C2orf49: variants seen among roughly 807,000 people sequenced by gnomAD.
C2orf49 encodes tRNA-splicing ligase complex subunit ASW.
A neutral mutation model predicts 20.6 loss-of-function variants in C2orf49; 11 were observed. The ratio of observed to expected loss-of-function variants is 0.53; its 90% CI spans 0.34 to 0.88. The LOEUF (loss-of-function observed/expected upper bound fraction) is 0.88. Ranked by LOEUF, C2orf49 falls within the 40% of genes least tolerant of loss-of-function variation. The pLI is 0.02. For missense variants in C2orf49, 289 were observed against 274.2 expected, an observed-to-expected ratio of 1.05 and a Z score of -0.38; for synonymous variants, 134 against 108.5, an observed-to-expected ratio of 1.24 and a Z score of -1.46.
At chr2:105,357,082 G>A in the C2orf49 span, among the ~76,000 whole-genome samples, 1 of 152,030 alleles carries the variant, frequency 6.6e-6, no homozygotes, top group African/African-American at 2.4e-5. Context: ...TGAGTAGCTG[G>A]GACAACAGGC....
At chr2:105,376,031 C>T in the C2orf49 span, 2 of 152,168 alleles carry the variant, frequency 1.3e-5, no homozygotes, top group Admixed American at 6.5e-5. Flanking sequence ...CATCATCGTT[C>T]GGGAACAGGC....
chr2:105,381,873 G>A, the C2orf49 span, among the ~76,000 whole-genome samples: 29 of 152,076 alleles, frequency 1.9e-4, no homozygotes, highest in Non-Finnish European at 3.7e-4. Flanking sequence ...TGGAGTAGGT[G>A]CTCTTCCCAG....
the C2orf49 span, among the ~76,000 whole-genome samples, chr2:105,366,102 G>A: frequency 6.6e-6 from 1 of 151,600 alleles, no homozygotes; most frequent in African/African-American, 2.4e-5. Flanking sequence ...TCAGCTACTT[G>A]GGAGGCTGAG....
intron 1 of C2orf49, among the ~76,000 whole-genome samples, chr2:105,338,997 G>A (rs1272523001): frequency 6.6e-6 from 1 of 152,242 alleles, no homozygotes; most frequent in Non-Finnish European, 1.5e-5. Context: ...TACTTGAAAG[G>A]ACCAGTGAAA....
intron 1 of C2orf49, 108 bp downstream of exon 1, chr2:105,337,794 G>A (rs1237573049): frequency 7.0e-6 from 7 of 1,000,220 alleles, no homozygotes; most frequent in Non-Finnish European, 1.0e-5. Flanking sequence ...CTCCCGCCGG[G>A]TTTGTGTCAC....
chr2:105,343,658 A>G (rs1045629326), intron 3 of C2orf49, among the ~76,000 whole-genome samples: 3 of 152,204 alleles, frequency 2.0e-5, no homozygotes, highest in Admixed American at 2.0e-4. Context: ...AAACCACACC[A>G]GACACCAGAA....
the C2orf49 span, among the ~76,000 whole-genome samples, chr2:105,370,535 A>G: frequency 6.6e-6 from 1 of 152,128 alleles, no homozygotes; most frequent in African/African-American, 2.4e-5. Flanking sequence ...TACTGATGGT[A>G]TTCCAGTTTC....
the C2orf49 span, among the ~76,000 whole-genome samples, chr2:105,355,428 G>A: frequency 5.3e-5 from 8 of 152,286 alleles, no homozygotes; most frequent in Admixed American, 3.3e-4. Flanking sequence ...TAAGTCTCAA[G>A]AAACACCCCG....
the C2orf49 span, among the ~76,000 whole-genome samples, chr2:105,356,711 T>G: frequency 2.0e-5 from 3 of 152,254 alleles, no homozygotes; most frequent in Non-Finnish European, 2.9e-5. Flanking sequence ...TGTGTACTTT[T>G]GTATATGTAT....
At chr2:105,359,676 A>C in the C2orf49 span, 1 of 152,148 alleles carries the variant, frequency 6.6e-6, no homozygotes, top group African/African-American at 2.4e-5. Context: ...CTACTGCCAC[A>C]CTAGTAGCTC....
chr2:105,355,411 C>T, the C2orf49 span, among the ~76,000 whole-genome samples: 1 of 152,104 alleles, frequency 6.6e-6, no homozygotes, highest in Non-Finnish European at 1.5e-5. Context: ...GGAAGACATC[C>T]TTATTCTAAG....
chr2:105,381,704 A>G, the C2orf49 span, among the ~76,000 whole-genome samples: 4 of 152,182 alleles, frequency 2.6e-5, no homozygotes, highest in African/African-American at 9.7e-5. Context: ...TTAGGAGGAA[A>G]TCCAAATAAA....
In C2orf49 at chr2:105,347,443, AAT is replaced by A. The variant is rs1182851704; in HGVS notation, c.*2075_*2076del. 1 of 152,212 alleles carries A rather than the reference AAT, an allele frequency of 6.6e-6. No homozygotes were observed. Among genetic ancestry groups the A allele is most frequent in the Non-Finnish European group, 1.5e-5 (1 of 68,040 alleles). The allele number at this position is 152,212 out of a possible 1,614,324, so 9.4% of individuals were successfully genotyped here. The stretch of plus-strand genomic sequence containing the variant: ...TTATTTTTAGTTACTCAATAAAATT[AAT>A]ATTTTATTTGTATTTTAACTTACAG... On this transcript the variant is annotated 3_prime_UTR_variant, in exon 4 of 4. Coordinates refer to ENST00000258457, the MANE Select transcript of C2orf49 (RefSeq NM_024093.3).
Position 105,337,650 on chromosome 2 carries a change from G to C in C2orf49, c.63G>C (p.Leu21=). Residue 21 remains leucine (L), a synonymous_variant, in exon 1 of 4, where the codon CTG becomes CTC. Transcript: ENST00000258457. ...TDSELLLHPE[L]LSQEFLLLTL... ...CGGAACTGCTGCTGCACCCGGAGCT[G>C]CTGTCCCAGGAGTTCCTTCTCCTCA... The C allele has an allele frequency of 6.3e-7, 1 of 1,598,548 alleles. No individual in the cohort carries two copies.
At chr2:105,370,214 C>A in the C2orf49 span, among the ~76,000 whole-genome samples, 36 of 151,754 alleles carry the variant, frequency 2.4e-4, no homozygotes, top group African/African-American at 7.0e-4. Flanking sequence ...CTCTACCCCC[C>A]CAAAAAAAAA....
At chr2:105,381,105 C>T in the C2orf49 span, among the ~76,000 whole-genome samples, 1 of 152,122 alleles carries the variant, frequency 6.6e-6, no homozygotes, top group African/African-American at 2.4e-5. Flanking sequence ...GGCTCTCATC[C>T]TCCCTCCTTC....
the C2orf49 span, chr2:105,377,810 C>A: frequency 3.0e-6 from 1 of 337,388 alleles, no homozygotes; most frequent in South Asian, 2.4e-5. Context: ...GACAAGAGAC[C>A]TGAAGGAGTA....
At chr2:105,376,758 A>G in the C2orf49 span, 1 of 152,272 alleles carries the variant, frequency 6.6e-6, no homozygotes, top group South Asian at 2.1e-4. Flanking sequence ...AGGTGGGAGC[A>G]AGCCAGATGT....
Position 105,343,060 on chromosome 2 carries a change from T to A in C2orf49, c.479T>A (p.Val160Glu). 6.2e-7 allele frequency: 1 copy of A among 1,614,230 alleles called. No homozygotes were observed. Among genetic ancestry groups the A allele is most frequent in the South Asian group, 1.1e-5 (1 of 91,088 alleles). ...SPLILSSNLP[V>E]NNKTEHNNND... Reference sequence around the variant, plus strand: ...CTAATTTTGTCTTCCAATTTGCCTGTGAACAATAAAACGGAACACAATAAT... The same window carrying A: ...CTAATTTTGTCTTCCAATTTGCCTGAGAACAATAAAACGGAACACAATAAT... Residue 160 changes from valine (V) to glutamate (E), a missense_variant, in exon 3 of 4, where the codon GTG becomes GAG. Physicochemically the swap from Val to Glu is moderately radical, Grantham distance 121. Coordinates refer to ENST00000258457, the MANE Select transcript of C2orf49 (RefSeq NM_024093.3).
Sources: allele counts gnomAD v4.1 joint callset (sites outside exome capture counted in the v4.1 genomes callset), GRCh38; gene constraint gnomAD v4.1.1; transcripts MANE v1.5; gene names NCBI Gene and HGNC (gene_info 2026-07-23, HGNC 2026-07-21).